The following AGO3 variants were observed in gnomAD, a reference collection of about 807,000 sequenced individuals.
AGO3 encodes the protein protein argonaute-3.
AGO3 carries 16 observed loss-of-function variants against 105.5 expected under a neutral mutation model. The observed-to-expected ratio is 0.15, with a 90% confidence interval of 0.10 to 0.23. The LOEUF (loss-of-function observed/expected upper bound fraction) is 0.23. Among genes scored for constraint, AGO3 ranks in the 10% least tolerant of loss-of-function variants. The pLI, the probability that AGO3 is intolerant of heterozygous loss-of-function variation, is 1.00. For synonymous variants in AGO3, 340 were observed against 367.3 expected (o/e 0.93, Z 0.85); for missense variants, 534 against 1,088.0 (o/e 0.49, Z 7.16).
chr1:35,945,645 A>T, intron 1 of AGO3, 47 bp from the exon 2 acceptor site: 1 of 1,585,102 alleles, frequency 6.3e-7, no homozygotes, highest in Non-Finnish European at 8.6e-7. Context: ...AGGCTTTGGA[A>T]TACAGCTTGT....
intron 6 of AGO3, among the ~76,000 whole-genome samples, chr1:36,006,871 A>G (rs547346745): frequency 5.9e-5 from 9 of 152,332 alleles, no homozygotes; most frequent in Non-Finnish European, 8.8e-5. Context: ...AGAAAATATC[A>G]TTTATATGAT....
chr1:36,039,091 T>C (rs924971632), intron 14 of AGO3, among the ~76,000 whole-genome samples: 1 of 152,222 alleles, frequency 6.6e-6, no homozygotes, highest in African/African-American at 2.4e-5. Context: ...ACAAAGAATC[T>C]AATTGTTAAA....
chr1:35,994,909 A>G (rs1161862536), intron 5 of AGO3, among the ~76,000 whole-genome samples: 2 of 152,064 alleles, frequency 1.3e-5, no homozygotes. Flanking sequence ...ATTCTCCCCA[A>G]ATTGATCTAT....
intron 1 of AGO3, among the ~76,000 whole-genome samples, chr1:35,932,623 CT>C (rs915514543): frequency 6.0e-5 from 9 of 148,996 alleles, no homozygotes; most frequent in Non-Finnish European, 1.0e-4. Flanking sequence ...GACCATATCT[CT>C]TTTTCCTGCT....
intron 5 of AGO3, chr1:35,982,782 C>A: frequency 1.7e-6 from 1 of 590,074 alleles, no homozygotes; most frequent in African/African-American, 1.9e-5. Context: ...GTTTAAGAAC[C>A]ATGTCCAGAA....
chr1:36,023,676 G>A (rs918354519), intron 11 of AGO3, among the ~76,000 whole-genome samples: 43 of 152,160 alleles, frequency 2.8e-4, no homozygotes, highest in African/African-American at 9.4e-4. Flanking sequence ...TTACACGTCC[G>A]GAGATTACCA....
chr1:36,013,556 A>G, intron 9 of AGO3, 74 bp from the exon 10 acceptor site: 3 of 1,562,944 alleles, frequency 1.9e-6, no homozygotes, highest in African/African-American at 1.4e-5. Context: ...AAGAAAAAAA[A>G]GAGGGTTCTA....
At position 35,945,882 on chromosome 1, in the gene AGO3, C is replaced by A; in HGVS notation, c.191+19C>A. On this transcript the variant is annotated intron_variant, in intron 2 of 18. Transcript: ENST00000373191. ...TGAACAGGTAAGAATCATGAAACTG[C>A]AAAGATCTTTTGCTATTTTTTTCCT... 2 of 1,594,562 alleles carry A rather than the reference C, an allele frequency of 1.3e-6. No homozygotes were observed. The highest frequency in any genetic ancestry group is 1.1e-5 in the South Asian group (1 of 88,878).
chr1:35,962,712 G>A (rs905301514), intron 2 of AGO3, among the ~76,000 whole-genome samples: 9 of 152,000 alleles, frequency 5.9e-5, no homozygotes, highest in African/African-American at 1.7e-4. Flanking sequence ...TTAGTAGGTG[G>A]CATGAAGAAA....
At chr1:36,009,102 T>A (rs1162643233) in intron 8 of AGO3, 58 bp downstream of exon 8, 1 of 1,465,826 alleles carries the variant, frequency 6.8e-7, no homozygotes, top group African/African-American at 1.5e-5. Flanking sequence ...TTGGGGTCTT[T>A]TATGGCCGAT....
At chr1:36,029,934 C>T (rs1022131103) in intron 12 of AGO3, among the ~76,000 whole-genome samples, 1 of 151,994 alleles carries the variant, frequency 6.6e-6, no homozygotes, top group African/African-American at 2.4e-5. Flanking sequence ...CTCAGGTGAT[C>T]TGCCCACCCC....
chr1:35,958,432 G>A (rs1204518300), intron 2 of AGO3, among the ~76,000 whole-genome samples: 2 of 151,864 alleles, frequency 1.3e-5, no homozygotes, highest in African/African-American at 2.4e-5. Context: ...AGGCTGAGGT[G>A]GACAGATCAC....
chr1:35,932,454 A>G (rs2148735588), intron 1 of AGO3, among the ~76,000 whole-genome samples: 1 of 152,330 alleles, frequency 6.6e-6, no homozygotes, highest in Non-Finnish European at 1.5e-5. Flanking sequence ...AAAAGAAACC[A>G]GTGACATAAC....
At chr1:35,960,361 T>C (rs539058222) in intron 2 of AGO3, among the ~76,000 whole-genome samples, 1 of 152,212 alleles carries the variant, frequency 6.6e-6, no homozygotes, top group South Asian at 2.1e-4. Flanking sequence ...ATGCCCATAT[T>C]CCCAGTTACT....
intron 1 of AGO3, among the ~76,000 whole-genome samples, chr1:35,932,199 TA>T: frequency 6.6e-6 from 1 of 152,296 alleles, no homozygotes; most frequent in East Asian, 1.9e-4. Flanking sequence ...TACTTGTCCT[TA>T]AAAAAGGAAA....
intron 17 of AGO3, among the ~76,000 whole-genome samples, chr1:36,053,522 A>G (rs993999779): frequency 1.3e-5 from 2 of 151,960 alleles, no homozygotes; most frequent in East Asian, 1.9e-4. Context: ...CGATCCACCT[A>G]CCTTGTCCTC....
At chr1:35,961,246 T>A (rs1646670797) in intron 2 of AGO3, among the ~76,000 whole-genome samples, 1 of 152,088 alleles carries the variant, frequency 6.6e-6, no homozygotes, top group African/African-American at 2.4e-5. Context: ...CCACTGCGCC[T>A]GGCCATTGTT....
At chr1:35,995,205 A>ATATATATATATATATATATATAT in intron 5 of AGO3, among the ~76,000 whole-genome samples, 1 of 112,626 alleles carries the variant, frequency 8.9e-6, no homozygotes, top group African/African-American at 4.5e-5. Context: ...TGTCTAAAAA[A>ATATATATATATATATATATATAT]AAAAATATAT....
At chr1:36,028,100 G>C (rs1641589711) in intron 12 of AGO3, among the ~76,000 whole-genome samples, 1 of 152,044 alleles carries the variant, frequency 6.6e-6, no homozygotes, top group South Asian at 2.1e-4. Context: ...GGAGTGCAGT[G>C]GTGCAATCAT....
Sources: gnomAD v4.1 joint callset for allele counts (sites outside exome capture counted in the v4.1 genomes callset) on GRCh38, gnomAD v4.1.1 for gene constraint, MANE v1.5 for transcripts, NCBI Gene and HGNC (gene_info 2026-07-23, HGNC 2026-07-21) for gene names.